The following DAPK1 variants were observed in gnomAD, a reference collection of about 807,000 sequenced individuals.
DAPK1 encodes death associated protein kinase 1, also known as death-associated protein kinase 1.
DAPK1 carries 56 observed loss-of-function variants against 144.9 expected under a neutral mutation model. The observed-to-expected ratio is 0.39, with a 90% CI of 0.31 to 0.48. The LOEUF is 0.48. Among genes scored for constraint, DAPK1 ranks in the 20% least tolerant of loss-of-function variants. The pLI is 0.95. For missense variants in DAPK1, 1,454 were observed against 1,875.4 expected, an observed-to-expected ratio of 0.78 and a Z score of 4.15; for synonymous variants, 690 against 749.0, an observed-to-expected ratio of 0.92 and a Z score of 1.29.
intron 2 of DAPK1, among the ~76,000 whole-genome samples, chr9:87,536,297 C>T (rs1237738408): frequency 3.9e-5 from 6 of 152,048 alleles, no homozygotes; most frequent in Admixed American, 3.3e-4. Flanking sequence ...TCAGGATGGG[C>T]GAGGGTAGAA....
intron 2 of DAPK1, among the ~76,000 whole-genome samples, chr9:87,510,503 G>T (rs36228940): frequency 0.019 from 2,916 of 152,264 alleles, 108 homozygotes; most frequent in African/African-American, 0.067. Context: ...CTCCAGGAAG[G>T]CTCCTGCTCT....
At chr9:87,610,963 TTATC>T (rs1335018403) in intron 3 of DAPK1, among the ~76,000 whole-genome samples, 4 of 138,008 alleles carry the variant, frequency 2.9e-5, no homozygotes, top group African/African-American at 1.1e-4. Flanking sequence ...AGCACATACT[TTATC>T]TAGCACATAC....
chr9:87,547,163 C>CA (rs1041783169), intron 2 of DAPK1, among the ~76,000 whole-genome samples: 4 of 151,678 alleles, frequency 2.6e-5, no homozygotes, highest in Non-Finnish European at 4.4e-5. Flanking sequence ...TCCCAAAAAA[C>CA]AAAAAAATTG....
At chr9:87,605,420 C>G (rs1828680981) in intron 3 of DAPK1, among the ~76,000 whole-genome samples, 1 of 152,176 alleles carries the variant, frequency 6.6e-6, no homozygotes, top group South Asian at 2.1e-4. Context: ...GTCTCCCAGT[C>G]TTGCGGTTCA....
chr9:87,663,764 G>A lies in DAPK1; in HGVS notation c.1924-4833G>A, dbSNP rs36215390. Among the ~76,000 whole-genome samples the A allele has an allele frequency of 4.2e-3, 644 of 151,994 alleles. 8 individuals are homozygous for A. Among genetic ancestry groups the A allele is most frequent in the Admixed American group, 0.033 (507 of 15,250 alleles). On this transcript the variant is annotated intron_variant, in intron 18 of 25. Coordinates refer to ENST00000408954, the MANE Select transcript of DAPK1 (RefSeq NM_004938.4). The stretch of plus-strand genomic sequence containing the variant: ...TCACACAGCACCTTCAGAGGCCCTC[G>A]GCCCCCCCACACCAGGGTCCCTCCC...
intron 19 of DAPK1, among the ~76,000 whole-genome samples, chr9:87,676,689 C>T (rs1279013160): frequency 6.6e-6 from 1 of 152,230 alleles, no homozygotes. Context: ...CCAAGGCTGA[C>T]AGCTCCTGGT....
intron 2 of DAPK1, among the ~76,000 whole-genome samples, chr9:87,598,905 T>A (rs1475355651): frequency 2.0e-5 from 3 of 152,202 alleles, no homozygotes; most frequent in African/African-American, 7.2e-5. Flanking sequence ...CACAAACATG[T>A]TGTACTTTTA....
intron 2 of DAPK1, among the ~76,000 whole-genome samples, chr9:87,568,628 G>A (rs1247503024): frequency 6.6e-6 from 1 of 152,154 alleles, no homozygotes; most frequent in African/African-American, 2.4e-5. Flanking sequence ...GCCTGACCGT[G>A]CCTCCTCCGT....
chr9:87,645,140 T>A (rs546240360), intron 11 of DAPK1, among the ~76,000 whole-genome samples: 1 of 152,326 alleles, frequency 6.6e-6, no homozygotes, highest in Admixed American at 6.5e-5. Flanking sequence ...ATTCTGTGTT[T>A]ATAAGTTCAG....
intron 2 of DAPK1, among the ~76,000 whole-genome samples, chr9:87,549,799 A>T (rs531914781): frequency 1.8e-3 from 273 of 152,322 alleles, no homozygotes; most frequent in South Asian, 0.012. Flanking sequence ...GTTATGAAAA[A>T]TTTCAAATAT....
In DAPK1 at chr9:87,643,347, CTTTTTTTTTTT is replaced by C; in HGVS notation, c.919-20_919-10del. On this transcript the variant is annotated intron_variant, in intron 10 of 25. Transcript: ENST00000408954. ...CCTGCCTTTTTCCTCCCCGCCCTCC[CTTTTTTTTTTT>C]TTTTTTTTAAAAAAAAGCAATCCGT... 1 of 1,001,886 alleles carries C rather than the reference CTTTTTTTTTTT, an allele frequency of 1.0e-6. No individual in the cohort carries two copies. The highest frequency in any genetic ancestry group is 1.7e-5 in the South Asian group (1 of 58,518). 62.1% of individuals were successfully genotyped at this position (1,001,886 alleles called of 1,614,324 possible). A position where few individuals can be genotyped will look rare whatever the true frequency, so the allele number is the denominator to read the frequency against.
chr9:87,617,335 G>A (rs908864968), intron 3 of DAPK1, among the ~76,000 whole-genome samples: 8 of 152,180 alleles, frequency 5.3e-5, no homozygotes, highest in African/African-American at 1.9e-4. Context: ...TTTGGCAGGT[G>A]ATAGCTTTCC....
At chr9:87,539,510 A>C (rs1315322269) in intron 2 of DAPK1, among the ~76,000 whole-genome samples, 1 of 145,990 alleles carries the variant, frequency 6.8e-6, no homozygotes, top group African/African-American at 2.5e-5. Flanking sequence ...GCTCACTGCA[A>C]CCTCTGCCTT....
chr9:87,570,070 A>G (rs1587727706), intron 2 of DAPK1, among the ~76,000 whole-genome samples: 1 of 152,166 alleles, frequency 6.6e-6, no homozygotes, highest in East Asian at 1.9e-4. Context: ...TTTACACCTT[A>G]TCTTGAAGTT....
At chr9:87,615,693 C>T (rs1314087275) in intron 3 of DAPK1, among the ~76,000 whole-genome samples, 3 of 152,238 alleles carry the variant, frequency 2.0e-5, no homozygotes, top group African/African-American at 7.2e-5. Flanking sequence ...CTGCCCTTCA[C>T]TTTACCTTTC....
intron 2 of DAPK1, among the ~76,000 whole-genome samples, chr9:87,580,337 C>T (rs1244980571): frequency 6.6e-6 from 1 of 152,116 alleles, no homozygotes; most frequent in Admixed American, 6.6e-5. Flanking sequence ...CAAACATATC[C>T]TCCTCCTAAT....
At chr9:87,619,826 G>A (rs529698808) in intron 3 of DAPK1, among the ~76,000 whole-genome samples, 2 of 152,244 alleles carry the variant, frequency 1.3e-5, no homozygotes, top group South Asian at 2.1e-4. Context: ...GCTGATTGTC[G>A]TTGTCATCTG....
At chr9:87,635,115 G>A (rs1419966925) in intron 3 of DAPK1, among the ~76,000 whole-genome samples, 3 of 152,054 alleles carry the variant, frequency 2.0e-5, no homozygotes, top group East Asian at 1.9e-4. Context: ...CACAGAAGAC[G>A]GAGCTGGCAG....
Position 87,640,222 on chromosome 9 carries a change from C to T in DAPK1, c.630-76C>T, listed in dbSNP as rs1830048180. 69 of 1,386,254 alleles carry T rather than the reference C, an allele frequency of 5.0e-5. 4 individuals carry two copies. The South Asian group carries it at 6.6e-4, about 13-fold the overall frequency. The allele number at this position is 1,386,254 out of a possible 1,614,324, so 85.9% of individuals were successfully genotyped here. A position where few individuals can be genotyped will look rare whatever the true frequency, so the allele number is the denominator to read the frequency against. On this transcript the variant is annotated intron_variant, in intron 7 of 25. Coordinates refer to ENST00000408954, the MANE Select transcript of DAPK1 (RefSeq NM_004938.4). Reference sequence around the variant, plus strand: ...CCAGATTATAATCTTATTCCACACTCCAGATGTTATAGGAGCAAAATGACA... The same window carrying T: ...CCAGATTATAATCTTATTCCACACTTCAGATGTTATAGGAGCAAAATGACA...
Sources: allele counts gnomAD v4.1 joint callset (sites outside exome capture counted in the v4.1 genomes callset), GRCh38; gene constraint gnomAD v4.1.1; transcripts MANE v1.5; gene names NCBI Gene and HGNC (gene_info 2026-07-23, HGNC 2026-07-21).